JMJD1C: variants seen among roughly 807,000 people sequenced by gnomAD.
JMJD1C encodes the protein jumonji domain-containing protein 1C.
JMJD1C carries 31 observed loss-of-function variants against 245.3 expected under a neutral mutation model. The observed-to-expected ratio is 0.13, with a 90% CI of 0.09 to 0.17. JMJD1C has a LOEUF of 0.17. Ranked by LOEUF, JMJD1C falls within the 10% of genes least tolerant of loss-of-function variation. The probability of loss-of-function intolerance (pLI) is 1.00; values close to 1 mark genes in which losing one functional copy is unlikely to be tolerated. For missense variants in JMJD1C, 2,691 were observed against 3,000.2 expected, an observed-to-expected ratio of 0.90 and a Z score of 2.41; for synonymous variants, 1,057 against 1,017.4, an observed-to-expected ratio of 1.04 and a Z score of -0.74.
intron 1 of JMJD1C, among the ~76,000 whole-genome samples, chr10:63,520,370 A>C (rs1955170897): frequency 6.6e-6 from 1 of 152,202 alleles, no homozygotes. Context: ...GACTTTAATT[A>C]AAGGCTCCAA....
At chr10:63,190,593 C>A (rs1207080657) in intron 17 of JMJD1C, among the ~76,000 whole-genome samples, 2 of 152,136 alleles carry the variant, frequency 1.3e-5, no homozygotes, top group African/African-American at 4.8e-5. Flanking sequence ...AAGTAACATA[C>A]AACATTCACT....
At chr10:63,409,363 C>T (rs1252336013) in intron 1 of JMJD1C, among the ~76,000 whole-genome samples, 2 of 152,154 alleles carry the variant, frequency 1.3e-5, no homozygotes, top group East Asian at 1.9e-4. Context: ...AAAACCAACA[C>T]ATATGTAACT....
chr10:63,248,099 G>T (rs1390015833), intron 3 of JMJD1C, among the ~76,000 whole-genome samples: 1 of 151,930 alleles, frequency 6.6e-6, no homozygotes, highest in African/African-American at 2.4e-5. Context: ...GTGGTGGCGG[G>T]CGCCTGTATC....
At chr10:63,314,794 T>C (rs573868234) in intron 2 of JMJD1C, among the ~76,000 whole-genome samples, 1 of 152,148 alleles carries the variant, frequency 6.6e-6, no homozygotes, top group African/African-American at 2.4e-5. Flanking sequence ...ATTATAGGCA[T>C]GCACCACTAC....
At position 63,197,414 on chromosome 10, in the gene JMJD1C, T is replaced by G. The variant is rs1845580806; in HGVS notation, c.5641A>C (p.Arg1881=). 6.2e-7 allele frequency: 1 copy of G among 1,612,790 alleles called. No homozygotes were observed. Among genetic ancestry groups the G allele is most frequent in the African/African-American group, 1.3e-5 (1 of 74,846 alleles). ...CYKAKERKSS[R]DKELYAWMKC... The stretch of plus-strand genomic sequence containing the variant: ...TTATATAAACTTATACACCAACCTC[T>G]AGAACTCTTCCTTTCCTTTGCCTTG... The change falls in exon 13 of 26, where the codon AGA becomes CGA. Residue 1881 remains arginine, a synonymous_variant. Coordinates refer to ENST00000399262, the MANE Select transcript of JMJD1C (RefSeq NM_032776.3).
intron 2 of JMJD1C, among the ~76,000 whole-genome samples, chr10:63,322,624 C>T (rs948240028): frequency 1.3e-5 from 2 of 151,882 alleles, no homozygotes; most frequent in African/African-American, 4.8e-5. Flanking sequence ...ACCAGCCTGA[C>T]CAACATGGTG....
chr10:63,257,734 C>T (rs1299759220), intron 3 of JMJD1C, among the ~76,000 whole-genome samples: 1 of 152,194 alleles, frequency 6.6e-6, no homozygotes, highest in Non-Finnish European at 1.5e-5. Flanking sequence ...GATACCACCA[C>T]AGTACAGTTT....
intron 2 of JMJD1C, among the ~76,000 whole-genome samples, chr10:63,283,894 G>A (rs1016479991): frequency 3.9e-5 from 6 of 152,044 alleles, no homozygotes; most frequent in Non-Finnish European, 7.4e-5. Flanking sequence ...TTTCTACTCT[G>A]ACAATAAGAA....
intron 18 of JMJD1C, among the ~76,000 whole-genome samples, chr10:63,186,890 T>C (rs140298508): frequency 1.3e-5 from 2 of 152,300 alleles, no homozygotes; most frequent in East Asian, 1.9e-4. Context: ...CTTAAAAGTT[T>C]CTGAAAAATG....
At chr10:63,430,901 T>C (rs886356765) in intron 1 of JMJD1C, among the ~76,000 whole-genome samples, 2 of 152,200 alleles carry the variant, frequency 1.3e-5, no homozygotes, top group Non-Finnish European at 2.9e-5. Context: ...TTTAACACCA[T>C]ACCGGCTAAT....
intron 2 of JMJD1C, among the ~76,000 whole-genome samples, chr10:63,296,826 G>A (rs1859487017): frequency 6.6e-6 from 1 of 152,190 alleles, no homozygotes; most frequent in African/African-American, 2.4e-5. Flanking sequence ...CTGGTTGACA[G>A]TATGAAGTTC....
intron 1 of JMJD1C, chr10:63,427,493 C>A (rs1950511092): frequency 7.0e-6 from 9 of 1,282,184 alleles, no homozygotes; most frequent in East Asian, 2.4e-5. Context: ...TCCCACTGGG[C>A]CAAGCAACTG....
At chr10:63,463,509 C>T (rs1337567414) in intron 1 of JMJD1C, among the ~76,000 whole-genome samples, 1 of 151,982 alleles carries the variant, frequency 6.6e-6, no homozygotes, top group Non-Finnish European at 1.5e-5. Flanking sequence ...TAATCAAAGT[C>T]GAACAGGAAT....
At chr10:63,223,616 T>C (rs1848894599) in intron 3 of JMJD1C, among the ~76,000 whole-genome samples, 1 of 152,240 alleles carries the variant, frequency 6.6e-6, no homozygotes, top group African/African-American at 2.4e-5. Context: ...TTACAACTTA[T>C]AACTCATTTA....
Position 63,385,998 on chromosome 10 carries a change from T to G in JMJD1C, c.169-5516A>C, listed in dbSNP as rs143032183. On this transcript the variant is annotated intron_variant, in intron 1 of 25. Coordinates refer to ENST00000399262, the MANE Select transcript of JMJD1C (RefSeq NM_032776.3). ...AAACTTAAGTCTTAAATAGATACAC[T>G]GTGTTCACAAATGAAAAGATTCACT... 7.7e-4 allele frequency among the ~76,000 whole-genome samples: 117 copies of G among 152,212 alleles called. No homozygotes were observed. The South Asian group carries it at 1.0e-2, about 13-fold the overall frequency.
chr10:63,474,063 A>G (rs2133160941), intron 1 of JMJD1C, among the ~76,000 whole-genome samples: 1 of 152,000 alleles, frequency 6.6e-6, no homozygotes, highest in East Asian at 1.9e-4. Flanking sequence ...AAAAGAAAAA[A>G]AGAAATAAAT....
At chr10:63,280,640 T>TA (rs1429664955) in intron 2 of JMJD1C, among the ~76,000 whole-genome samples, 1 of 152,200 alleles carries the variant, frequency 6.6e-6, no homozygotes, top group Non-Finnish European at 1.5e-5. Context: ...TATAAAATAT[T>TA]AAAGATTCTT....
intron 1 of JMJD1C, among the ~76,000 whole-genome samples, chr10:63,475,966 T>C (rs554276816): frequency 2.6e-5 from 4 of 152,224 alleles, no homozygotes; most frequent in Non-Finnish European, 4.4e-5. Flanking sequence ...CCCAGCACTT[T>C]GGGAGGCTGA....
At chr10:63,388,732 G>C (rs974423052) in intron 1 of JMJD1C, among the ~76,000 whole-genome samples, 1 of 152,110 alleles carries the variant, frequency 6.6e-6, no homozygotes, top group African/African-American at 2.4e-5. Context: ...ACAGATTAAA[G>C]TGTCAGACTA....
Sources: gnomAD v4.1 joint callset for allele counts (sites outside exome capture counted in the v4.1 genomes callset) on GRCh38, gnomAD v4.1.1 for gene constraint, MANE v1.5 for transcripts, NCBI Gene and HGNC (gene_info 2026-07-23, HGNC 2026-07-21) for gene names.